FAM120C: variants seen among roughly 807,000 people sequenced by gnomAD.
The protein encoded by FAM120C is family with sequence similarity 120 member C.
FAM120C carries 14 observed loss-of-function variants against 71.2 expected under a neutral mutation model. The observed-to-expected ratio is 0.20, with a 90% CI of 0.13 to 0.31. FAM120C has a LOEUF of 0.31. Among genes scored for constraint, FAM120C ranks in the 10% least tolerant of loss-of-function variants. FAM120C has a pLI of 1.00. For missense variants in FAM120C, 500 were observed against 879.0 expected (o/e 0.57, Z 5.45); for synonymous variants, 354 against 353.2 (o/e 1.00, Z -0.03).
intron 10 of FAM120C, among the ~76,000 whole-genome samples, chrX:54,097,461 C>T: frequency 9.0e-6 from 1 of 111,688 alleles, no homozygotes; most frequent in South Asian, 3.7e-4. Flanking sequence ...AGAGGAAAAG[C>T]GAGAGAGCTA....
At chrX:54,081,594 G>T in intron 13 of FAM120C, 134 bp from the exon 14 acceptor site, 4 of 622,693 alleles carry the variant, frequency 6.4e-6, no homozygotes, top group Non-Finnish European at 7.1e-6. Context: ...CCAACATGGT[G>T]AAACCCTGTC....
intron 9 of FAM120C, among the ~76,000 whole-genome samples, chrX:54,128,967 G>A (rs1271764620): frequency 9.1e-6 from 1 of 110,290 alleles, no homozygotes; most frequent in East Asian, 2.9e-4. Context: ...ATCATGGCCC[G>A]TTCTCAATGA....
chrX:54,142,717 G>A (rs1219178872), intron 4 of FAM120C, among the ~76,000 whole-genome samples: 1 of 112,028 alleles, frequency 8.9e-6, no homozygotes, highest in Admixed American at 9.5e-5. Flanking sequence ...AAACATCCCT[G>A]TGTGACAGCT....
intron 5 of FAM120C, among the ~76,000 whole-genome samples, chrX:54,135,999 CT>C (rs782253279): frequency 1.8e-3 from 173 of 96,815 alleles, no homozygotes; most frequent in Middle Eastern, 5.6e-3. Flanking sequence ...CAGGGCCCTT[CT>C]TTTTTTTTTT....
intron 4 of FAM120C, among the ~76,000 whole-genome samples, chrX:54,145,699 A>G (rs1159692101): frequency 3.6e-5 from 4 of 111,980 alleles, no homozygotes. Context: ...ACACTTTTAC[A>G]CTGTTGGTGG....
intron 1 of FAM120C, among the ~76,000 whole-genome samples, chrX:54,168,844 C>G (rs2067273257): frequency 8.9e-6 from 1 of 112,198 alleles, no homozygotes; most frequent in Non-Finnish European, 1.9e-5. Context: ...CCTTCTAACT[C>G]TGTAAAATGG....
chrX:54,087,595 C>T (rs782075311), intron 12 of FAM120C, among the ~76,000 whole-genome samples, 160 bp downstream of exon 12: 3 of 110,905 alleles, frequency 2.7e-5, no homozygotes, highest in South Asian at 3.9e-4. Flanking sequence ...TATCAGACTA[C>T]GGGCCTTTGG....
intron 3 of FAM120C, among the ~76,000 whole-genome samples, chrX:54,153,069 T>G (rs1351497094): frequency 1.1e-4 from 12 of 111,035 alleles, no homozygotes; most frequent in Non-Finnish European, 1.9e-4. Flanking sequence ...GTACTAGATG[T>G]AGATAAGTGC....
intron 4 of FAM120C, among the ~76,000 whole-genome samples, chrX:54,146,239 T>C (rs1244636900): frequency 9.0e-6 from 1 of 111,031 alleles, no homozygotes; most frequent in Non-Finnish European, 1.9e-5. Context: ...CACACCAACA[T>C]GGCACATGTA....
At chrX:54,155,882 G>A (rs2067206910) in intron 3 of FAM120C, among the ~76,000 whole-genome samples, 1 of 110,788 alleles carries the variant, frequency 9.0e-6, no homozygotes, top group Non-Finnish European at 1.9e-5. Flanking sequence ...AGCTATGATT[G>A]TGCCACTGCA....
At chrX:54,103,813 A>G (rs2066893595) in intron 10 of FAM120C, among the ~76,000 whole-genome samples, 1 of 103,493 alleles carries the variant, frequency 9.7e-6, no homozygotes, top group Non-Finnish European at 2.0e-5. Context: ...TCTTATTATT[A>G]TTTTTGTTAC....
intron 1 of FAM120C, among the ~76,000 whole-genome samples, chrX:54,175,045 G>A (rs782294009): frequency 4.4e-4 from 49 of 110,900 alleles, no homozygotes; most frequent in Non-Finnish European, 8.3e-4. Flanking sequence ...GCTCCTGGAA[G>A]GGTAGGGTAC....
chrX:54,088,824 G>A (rs1185375733), intron 11 of FAM120C, among the ~76,000 whole-genome samples: 1 of 108,990 alleles, frequency 9.2e-6, no homozygotes, highest in Non-Finnish European at 1.9e-5. Flanking sequence ...TGAGGTGGGT[G>A]GATCGCTTGA....
intron 9 of FAM120C, among the ~76,000 whole-genome samples, chrX:54,131,764 C>G (rs1363742569): frequency 2.0e-5 from 2 of 101,193 alleles, no homozygotes; most frequent in Non-Finnish European, 2.0e-5. Context: ...TTCTTTCTTT[C>G]TTTTTTTTTT....
chrX:54,085,568 C>T (rs2066789767), intron 13 of FAM120C, 147 bp downstream of exon 13: 1 of 539,170 alleles, frequency 1.9e-6, no homozygotes, highest in Admixed American at 3.9e-5. Context: ...GCCTGGGCGA[C>T]AAGAGTGAAA....
rs187888416 is a variant in FAM120C, at chrX:54,149,333, C to T, written c.1158+1912G>A. On this transcript the variant is annotated intron_variant, in intron 4 of 15. Transcript: ENST00000375180. ...AGGTAGTATGTTGAATTAAAGAAGC[C>T]GTTCTCAAAATATCACATACTGGGC... Among the ~76,000 whole-genome samples, 6 of 111,583 alleles carry T rather than the reference C, an allele frequency of 5.4e-5. No homozygotes were observed. In the East Asian group the frequency reaches 1.1e-3, roughly 21 times the overall value.
intron 4 of FAM120C, among the ~76,000 whole-genome samples, chrX:54,137,252 C>T (rs1203655704): frequency 1.8e-5 from 2 of 111,125 alleles, no homozygotes; most frequent in Admixed American, 1.9e-4. Flanking sequence ...GGTGCCCGGC[C>T]AATTTTTTTT....
At chrX:54,152,242 T>A (rs1488960784) in intron 3 of FAM120C, among the ~76,000 whole-genome samples, 1 of 110,936 alleles carries the variant, frequency 9.0e-6, no homozygotes, top group Non-Finnish European at 1.9e-5. Context: ...TTGTCTATAA[T>A]TATTATTATT....
chrX:54,176,940 C>A (rs1175536945), intron 1 of FAM120C, among the ~76,000 whole-genome samples: 1 of 111,807 alleles, frequency 8.9e-6, no homozygotes, highest in Non-Finnish European at 1.9e-5. Context: ...AAAGGGAAGG[C>A]TTCATCTACC....
Sources: allele counts gnomAD v4.1 joint callset (sites outside exome capture counted in the v4.1 genomes callset), GRCh38; gene constraint gnomAD v4.1.1; transcripts MANE v1.5; gene names NCBI Gene and HGNC (gene_info 2026-07-23, HGNC 2026-07-21).